The following DVL3 variants were observed in gnomAD, a reference collection of about 807,000 sequenced individuals.
The protein encoded by DVL3 is segment polarity protein dishevelled homolog DVL-3.
In DVL3, 27 loss-of-function variants were observed where a neutral mutation model predicts 67.4. The observed-to-expected ratio is 0.40, with a 90% CI of 0.30 to 0.55. The LOEUF (loss-of-function observed/expected upper bound fraction) is 0.55. Among genes scored for constraint, DVL3 ranks in the 20% least tolerant of loss-of-function variants. The pLI is 0.46. For missense variants in DVL3, 819 were observed against 1,021.5 expected (o/e 0.80, Z 2.70); for synonymous variants, 369 against 396.8 (o/e 0.93, Z 0.83).
At chr3:184,168,396 C>T (rs558848854) in intron 13 of DVL3, among the ~76,000 whole-genome samples, 4 of 152,342 alleles carry the variant, frequency 2.6e-5, no homozygotes, top group African/African-American at 9.6e-5. Flanking sequence ...CCTTCTCACT[C>T]GTCAAGGTCT....
Position 184,167,768 on chromosome 3 carries a change from G to A in DVL3, c.1330+57G>A, listed in dbSNP as rs1455045902. ...GGTGGGGAGTGATGGGGCAGGGCAG[G>A]CCGGAGGGCCCAGGACTTGCCTTGG... On this transcript the variant is annotated intron_variant, in intron 12 of 14. Coordinates refer to ENST00000313143, the MANE Select transcript of DVL3 (RefSeq NM_004423.4). This position sits in a 1 kb window ranked among gnomAD's most constrained non-coding sequence, Gnocchi z 4.6. 5.7e-6 allele frequency: 9 copies of A among 1,589,598 alleles called. No individual in the cohort carries two copies. In the East Asian group the frequency reaches 9.0e-5, roughly 16 times the overall value.
At position 184,163,692 on chromosome 3, in the gene DVL3, A is replaced by G; in HGVS notation, c.197A>G (p.Lys66Arg). 6.2e-7 allele frequency: 1 copy of G among 1,613,852 alleles called. No homozygotes were observed. Among genetic ancestry groups the G allele is most frequent in the Non-Finnish European group, 8.5e-7 (1 of 1,179,936 alleles). The change falls in exon 2 of 15, where the codon AAG becomes AGG. Residue 66 changes from lysine to arginine, a missense_variant. Around this residue, in one of 3 missense-constraint regions of DVL3, gnomAD observed 385 missense variants for 486.8 expected, o/e 0.79. Coordinates refer to ENST00000313143, the MANE Select transcript of DVL3 (RefSeq NM_004423.4). This position sits in a 1 kb window ranked among gnomAD's most constrained non-coding sequence, Gnocchi z 4.5. The part of the protein sequence containing the change: ...VKEEISDDNA[K>R]LPCFNGRVVS... ...GAGGAGATCTCGGATGACAATGCCA[A>G]GCTACCATGCTTCAATGGCCGGGTG...
chr3:184,171,371 A>AG lies in DVL3; in HGVS notation c.*619dup. Reference sequence around the variant, plus strand: ...GCCTGTGCCTAGATCAGAGGCCCAGAGGGCCCCCTCAGTTGCCTGAGCAGC... The same window carrying AG: ...GCCTGTGCCTAGATCAGAGGCCCAGAGGGGCCCCCTCAGTTGCCTGAGCAGC... On this transcript the variant is annotated 3_prime_UTR_variant, in exon 15 of 15. Transcript: ENST00000313143. The AG allele has an allele frequency of 3.0e-6, 3 of 1,001,434 alleles. No individual in the cohort carries two copies. Among genetic ancestry groups the AG allele is most frequent in the African/African-American group, 1.7e-5 (1 of 57,448 alleles). The allele number at this position is 1,001,434 out of a possible 1,614,324, so 62.0% of individuals were successfully genotyped here.
chr3:184,170,667 C>G lies in DVL3; in HGVS notation c.2063C>G (p.Ala688Gly). Residue 688 changes from alanine to glycine, a missense_variant, in exon 15 of 15, where the codon GCC becomes GGC. Coordinates refer to ENST00000313143, the MANE Select transcript of DVL3 (RefSeq NM_004423.4). The surrounding 1 kb of genome is among the most constrained non-coding windows in gnomAD (Gnocchi z 6.5). ...PPGAPPGRDLASVPPELTASR... is the reference protein window; with the variant it reads ...PPGAPPGRDLGSVPPELTASR... ...GGAGCCCCTCCGGGCCGCGACCTGG[C>G]CTCAGTGCCCCCGGAACTGACCGCC... 1 of 1,613,318 alleles carries G rather than the reference C, an allele frequency of 6.2e-7. No individual in the cohort carries two copies. Among genetic ancestry groups the G allele is most frequent in the Non-Finnish European group, 8.5e-7 (1 of 1,179,674 alleles).
intron 1 of DVL3, among the ~76,000 whole-genome samples, chr3:184,161,811 A>G (rs147859172): frequency 3.7e-4 from 56 of 152,348 alleles, no homozygotes; most frequent in African/African-American, 1.3e-3. Context: ...TTTGGAGTCA[A>G]GCCTGGGGTG....
At chr3:184,156,629 T>G (rs1173497668) in intron 1 of DVL3, 1 of 363,698 alleles carries the variant, frequency 2.7e-6, no homozygotes, top group Admixed American at 3.7e-5. Context: ...AGGCACAGTT[T>G]GGAAGCAGTC....
Position 184,166,005 on chromosome 3 carries a change from C to A in DVL3, c.764-121C>A. 1 of 1,204,958 alleles carries A rather than the reference C, an allele frequency of 8.3e-7. No homozygotes were observed. The highest frequency in any genetic ancestry group is 2.4e-5 in the East Asian group (1 of 42,316). The allele number at this position is 1,204,958 out of a possible 1,614,324, so 74.6% of individuals were successfully genotyped here. On this transcript the variant is annotated intron_variant, in intron 7 of 14. Transcript: ENST00000313143. The surrounding 1 kb of genome is among the most constrained non-coding windows in gnomAD (Gnocchi z 6.7). The stretch of plus-strand genomic sequence containing the variant: ...GAAGCATGTTTGAGCATGCTGAGTG[C>A]AGTGCCTGATTCAGGATCAGCAAAT...
At position 184,166,932 on chromosome 3, in the gene DVL3, C is replaced by T. The variant is rs1714613589; in HGVS notation, c.1155C>T (p.Thr385=). 6.2e-7 allele frequency: 1 copy of T among 1,614,206 alleles called. No individual in the cohort carries two copies. Residue 385 remains threonine, a synonymous_variant, in exon 11 of 15, where the codon ACC becomes ACT. Coordinates refer to ENST00000313143, the MANE Select transcript of DVL3 (RefSeq NM_004423.4). The surrounding 1 kb of genome is among the most constrained non-coding windows in gnomAD (Gnocchi z 6.7). ...YGMSPSLSTI[T]STSSSITSSI... ...TGAGCCCCTCCCTGAGCACCATCAC[C>T]TCCACCAGCTCCTCCATCACCAGTT...
Position 184,155,435 on chromosome 3 carries a change from G to T in DVL3, c.-201G>T. ...CGGTCGCCAGTCCAGTCGGGAGAGT[G>T]GGGAGCGGAAGCGGCGGCCGCGGCG... On this transcript the variant is annotated 5_prime_UTR_variant, in exon 1 of 15. Transcript: ENST00000313143. The surrounding 1 kb of genome is among the most constrained non-coding windows in gnomAD (Gnocchi z 5.4). 6.2e-6 allele frequency: 1 copy of T among 161,554 alleles called. No homozygotes were observed. Among genetic ancestry groups the T allele is most frequent in the South Asian group, 1.8e-4 (1 of 5,678 alleles). 10.0% of individuals were successfully genotyped at this position (161,554 alleles called of 1,614,324 possible). A position where few individuals can be genotyped will look rare whatever the true frequency, so the allele number is the denominator to read the frequency against.
rs2109024272 is a variant in DVL3, at chr3:184,170,866, A to T, written c.*111A>T. On this transcript the variant is annotated 3_prime_UTR_variant, in exon 15 of 15. Coordinates refer to ENST00000313143, the MANE Select transcript of DVL3 (RefSeq NM_004423.4). The surrounding 1 kb of genome is among the most constrained non-coding windows in gnomAD (Gnocchi z 6.5). ...TGGTACCTGAAAGGGAAATAAAAGGAACTAAATCCAGGTGCGCTAACTGCT... is the reference window on the plus strand; with the variant it reads ...TGGTACCTGAAAGGGAAATAAAAGGTACTAAATCCAGGTGCGCTAACTGCT... The T allele has an allele frequency of 6.4e-7, 1 of 1,553,010 alleles. No individual in the cohort carries two copies. Among genetic ancestry groups the T allele is most frequent in the East Asian group, 2.4e-5 (1 of 41,006 alleles).
At chr3:184,159,803 C>G (rs1388129094) in intron 1 of DVL3, among the ~76,000 whole-genome samples, 1 of 152,208 alleles carries the variant, frequency 6.6e-6, no homozygotes, top group Non-Finnish European at 1.5e-5. Flanking sequence ...CATAGTCTCT[C>G]TGAGAACAAG....
rs374762888 is a variant in DVL3, at chr3:184,167,530, C to T, written c.1199-50C>T. On this transcript the variant is annotated intron_variant, in intron 11 of 14. Transcript: ENST00000313143. This position sits in a 1 kb window ranked among gnomAD's most constrained non-coding sequence, Gnocchi z 4.6. ...GAGCTAGAATGCAAACTCTTGTTTA[C>T]CTAACTCCAAAGCCCCTTTCTGCCT... 149 of 1,572,878 alleles carry T rather than the reference C, an allele frequency of 9.5e-5. No individual in the cohort carries two copies. The highest frequency in any genetic ancestry group is 1.2e-4 in the Non-Finnish European group (142 of 1,151,240).
In DVL3 at chr3:184,164,492, C is replaced by T. The variant is rs139857613; in HGVS notation, c.354C>T (p.His118=). 3 of 1,598,150 alleles carry T rather than the reference C, an allele frequency of 1.9e-6. No individual in the cohort carries two copies. Among genetic ancestry groups the T allele is most frequent in the Non-Finnish European group, 2.6e-6 (3 of 1,172,610 alleles). The change falls in exon 4 of 15, where the codon CAC becomes CAT. Residue 118 remains histidine, a splice_region_variant and synonymous_variant. Transcript: ENST00000313143. The surrounding 1 kb of genome is among the most constrained non-coding windows in gnomAD (Gnocchi z 5.3). ...GIGDSRPPSF[H]PHAGGGSQEN... ...CCCCCATCAAGTCTCTTCCCTGCAG[C>T]CCTCATGCTGGTGGGGGCAGCCAGG...
Position 184,168,068 on chromosome 3 carries a change from A to C in DVL3, c.1498+3A>C. ...CATCTTCGGTGACCTCTGCGGCAGT[A>C]TGTGCCTCCCTCATCTTCTTGCCCT... On this transcript the variant is annotated splice_donor_region_variant and intron_variant, in intron 13 of 14. Coordinates refer to ENST00000313143, the MANE Select transcript of DVL3 (RefSeq NM_004423.4). The C allele has an allele frequency of 6.2e-7, 1 of 1,612,792 alleles. No individual in the cohort carries two copies. The highest frequency in any genetic ancestry group is 1.1e-5 in the South Asian group (1 of 91,032).
rs1714516012 is a variant in DVL3, at chr3:184,164,800, C to T, written c.468C>T (p.Thr156=). The change falls in exon 5 of 15, where the codon ACC becomes ACT. Residue 156 remains threonine (T), a synonymous_variant. Coordinates refer to ENST00000313143, the MANE Select transcript of DVL3 (RefSeq NM_004423.4). The surrounding 1 kb of genome is among the most constrained non-coding windows in gnomAD (Gnocchi z 5.3). Reference sequence around the variant, plus strand: ...AACTGCTTCCATCCCCTGCAGCAACCCGGCTAAATGGAACTGCGAAGGGGG... The same window carrying T: ...AACTGCTTCCATCCCCTGCAGCAACTCGGCTAAATGGAACTGCGAAGGGGG... ...PRRRDGPEHA[T]RLNGTAKGER... The T allele has an allele frequency of 1.9e-6, 3 of 1,614,192 alleles. No individual in the cohort carries two copies. The highest frequency in any genetic ancestry group is 2.5e-6 in the Non-Finnish European group (3 of 1,180,038).
intron 1 of DVL3, among the ~76,000 whole-genome samples, chr3:184,157,875 A>G (rs1714251148): frequency 6.6e-6 from 1 of 152,230 alleles, no homozygotes; most frequent in South Asian, 2.1e-4. Flanking sequence ...CTGTCTTGTC[A>G]CAGAGGACTA....
intron 1 of DVL3, among the ~76,000 whole-genome samples, chr3:184,161,627 G>C (rs1446201387): frequency 2.6e-5 from 4 of 152,006 alleles, no homozygotes; most frequent in Non-Finnish European, 5.9e-5. Flanking sequence ...TGTAGTTACT[G>C]CCTGACTTCT....
Position 184,167,641 on chromosome 3 carries a change from C to T in DVL3, c.1260C>T (p.Ala420=), listed in dbSNP as rs1268252712. Residue 420 remains alanine, a synonymous_variant, in exon 12 of 15, where the codon GCC becomes GCT. Coordinates refer to ENST00000313143, the MANE Select transcript of DVL3 (RefSeq NM_004423.4). The surrounding 1 kb of genome is among the most constrained non-coding windows in gnomAD (Gnocchi z 4.6). ...TGGCTGCCATCGTAAAAGCCATGGCCTCCCCTGAATCAGGGTTGGAGGTCC... is the reference window on the plus strand; with the variant it reads ...TGGCTGCCATCGTAAAAGCCATGGCTTCCCCTGAATCAGGGTTGGAGGTCC... ...SDMAAIVKAM[A]SPESGLEVRD... is the part of the protein sequence containing the mutation. The T allele has an allele frequency of 3.1e-6, 5 of 1,614,196 alleles. No homozygotes were observed. In the Admixed American group the frequency reaches 6.7e-5, roughly 22 times the overall value.
chr3:184,167,647 T>C lies in DVL3; in HGVS notation c.1266T>C (p.Pro422=). 1 of 1,614,092 alleles carries C rather than the reference T, an allele frequency of 6.2e-7. No individual in the cohort carries two copies. The highest frequency in any genetic ancestry group is 8.5e-7 in the Non-Finnish European group (1 of 1,180,010). ...CCATCGTAAAAGCCATGGCCTCCCC[T>C]GAATCAGGGTTGGAGGTCCGTGACC... is the stretch of plus-strand genomic sequence containing the variant. The part of the protein sequence containing the change: ...MAAIVKAMAS[P]ESGLEVRDRM... The change falls in exon 12 of 15, where the codon CCT becomes CCC. Residue 422 remains proline, a synonymous_variant. Coordinates refer to ENST00000313143, the MANE Select transcript of DVL3 (RefSeq NM_004423.4). This position sits in a 1 kb window ranked among gnomAD's most constrained non-coding sequence, Gnocchi z 4.6.
Sources: gnomAD v4.1 joint callset for allele counts (sites outside exome capture counted in the v4.1 genomes callset) on GRCh38, gnomAD v4.1.1 for gene constraint, gnomAD v4.1.1 regional missense constraint, Gnocchi (gnomAD v3.1) non-coding constraint, MANE v1.5 for transcripts, NCBI Gene and HGNC (gene_info 2026-07-23, HGNC 2026-07-21) for gene names.